The following ADAM7 variants were observed in gnomAD, a reference collection of about 807,000 sequenced individuals.
ADAM7 encodes ADAM metallopeptidase domain 7.
In ADAM7, 97 loss-of-function variants were observed where a neutral mutation model predicts 102.9. That is an observed-to-expected ratio of 0.94 (90% confidence interval 0.80 to 1.12). The LOEUF is 1.12. ADAM7 is among the 50% of genes most tolerant of loss of function. The probability of loss-of-function intolerance (pLI) is 0.00; values close to 1 mark genes in which losing one functional copy is unlikely to be tolerated. For synonymous variants in ADAM7, 334 were observed against 304.4 expected, an observed-to-expected ratio of 1.10 and a Z score of -1.01; for missense variants, 991 against 908.7, an observed-to-expected ratio of 1.09 and a Z score of -1.16.
At chr8:24,449,856 C>G (rs1448760107) in intron 3 of ADAM7, among the ~76,000 whole-genome samples, 1 of 152,154 alleles carries the variant, frequency 6.6e-6, no homozygotes, top group Non-Finnish European at 1.5e-5. Context: ...CCAGTTTCAG[C>G]TTTCTACATA....
chr8:24,493,997 G>A (rs1221076833), intron 16 of ADAM7, among the ~76,000 whole-genome samples: 2 of 152,086 alleles, frequency 1.3e-5, no homozygotes, highest in Non-Finnish European at 2.9e-5. Context: ...ACATTAGAAT[G>A]CATACTCTAA....
chr8:24,472,124 A>C (rs1335998435), intron 7 of ADAM7, among the ~76,000 whole-genome samples: 1 of 117,516 alleles, frequency 8.5e-6, no homozygotes, highest in Non-Finnish European at 1.9e-5. Flanking sequence ...AAAGATAACA[A>C]AAAAAAAAAA....
At chr8:24,459,148 G>T (rs1232828508) in intron 3 of ADAM7, among the ~76,000 whole-genome samples, 1 of 151,896 alleles carries the variant, frequency 6.6e-6, no homozygotes, top group Non-Finnish European at 1.5e-5. Flanking sequence ...GCATATTTGT[G>T]TGTATGTGTA....
rs561278538 is a variant in ADAM7, at chr8:24,485,265, T to A, written c.876-12T>A. On this transcript the variant is annotated splice_polypyrimidine_tract_variant and intron_variant, in intron 9 of 21. Transcript: ENST00000175238. Reference sequence around the variant, plus strand: ...ACTCAGATTGAAGACTATTTTTGCATCTTTTTCATAGTGGGAAGTGGCTCT... The same window carrying A: ...ACTCAGATTGAAGACTATTTTTGCAACTTTTTCATAGTGGGAAGTGGCTCT... 3 of 1,611,520 alleles carry A rather than the reference T, an allele frequency of 1.9e-6. No individual in the cohort carries two copies. The highest frequency in any genetic ancestry group is 1.7e-6 in the Non-Finnish European group (2 of 1,178,472).
At chr8:24,460,216 A>G (rs1819191119) in intron 3 of ADAM7, among the ~76,000 whole-genome samples, 1 of 152,038 alleles carries the variant, frequency 6.6e-6, no homozygotes, top group African/African-American at 2.4e-5. Flanking sequence ...TCCTTTCAAC[A>G]TATCTGTGTC....
chr8:24,479,788 A>T (rs184623054), intron 8 of ADAM7, among the ~76,000 whole-genome samples: 1 of 152,330 alleles, frequency 6.6e-6, no homozygotes, highest in Admixed American at 6.5e-5. Context: ...ATTATCTGCC[A>T]CAAGGAAGGT....
At position 24,493,039 on chromosome 8, in the gene ADAM7, TC is replaced by T. The variant is rs758574934; in HGVS notation, c.1656-3del. On this transcript the variant is annotated splice_region_variant and splice_polypyrimidine_tract_variant and intron_variant, in intron 15 of 21. Transcript: ENST00000175238. ...CAAGTTTGAATATTCTGCCTTTCCT[TC>T]AGAGATGTCAGATGTGGAAAGATCT... The T allele has an allele frequency of 4.5e-6, 7 of 1,568,626 alleles. No homozygotes were observed. The East Asian group carries it at 1.6e-4, about 36-fold the overall frequency.
intron 4 of ADAM7, among the ~76,000 whole-genome samples, chr8:24,464,464 T>C (rs1201934833): frequency 1.3e-5 from 2 of 152,202 alleles, no homozygotes; most frequent in African/African-American, 2.4e-5. Flanking sequence ...TTTAATAAAA[T>C]CTAGATACAG....
rs749903492 is a variant in ADAM7 at position 24,465,685 on chromosome 8, T to C, written c.313-14T>C. ...TATTTATACATATAGTAATAGAGTC[T>C]TCTTCTATTTTAGGATCATTGTTTT... is the stretch of plus-strand genomic sequence containing the variant. On this transcript the variant is annotated splice_polypyrimidine_tract_variant and intron_variant, in intron 4 of 21. Transcript: ENST00000175238. The C allele has an allele frequency of 7.8e-6, 12 of 1,541,380 alleles. No individual in the cohort carries two copies. The Admixed American group carries it at 2.2e-4, about 29-fold the overall frequency.
At chr8:24,476,339 T>C (rs1176053757) in intron 7 of ADAM7, 94 bp from the exon 8 acceptor site, 2 of 915,488 alleles carry the variant, frequency 2.2e-6, no homozygotes, top group Non-Finnish European at 3.2e-6. Context: ...CCAATGATTT[T>C]TTTCTTTGTA....
chr8:24,502,287 A>G (rs1024962002), intron 20 of ADAM7, among the ~76,000 whole-genome samples: 4 of 152,102 alleles, frequency 2.6e-5, no homozygotes, highest in African/African-American at 9.7e-5. Flanking sequence ...AGGAAAATGT[A>G]TAGCGCTTAT....
intron 16 of ADAM7, 109 bp from the exon 17 acceptor site, chr8:24,499,127 C>CA: frequency 1.3e-6 from 1 of 764,114 alleles, no homozygotes. Context: ...TGAAATTTTT[C>CA]ATATGTAAAT....
At chr8:24,455,527 G>C (rs1024926018) in intron 3 of ADAM7, among the ~76,000 whole-genome samples, 2 of 152,140 alleles carry the variant, frequency 1.3e-5, no homozygotes, top group Non-Finnish European at 2.9e-5. Flanking sequence ...TCCCACCTCA[G>C]CCTCTCAACT....
intron 6 of ADAM7, among the ~76,000 whole-genome samples, chr8:24,467,835 C>A (rs1040626359): frequency 1.3e-5 from 2 of 152,022 alleles, no homozygotes; most frequent in East Asian, 1.9e-4. Flanking sequence ...GAGGCTGAGG[C>A]GGGCCGATCA....
intron 1 of ADAM7, among the ~76,000 whole-genome samples, chr8:24,442,096 C>T (rs1818392657): frequency 6.6e-6 from 1 of 152,182 alleles, no homozygotes; most frequent in Non-Finnish European, 1.5e-5. Flanking sequence ...ATCGCTTGAA[C>T]CGGGGAGGCG....
chr8:24,480,110 T>G (rs999953174), intron 8 of ADAM7, among the ~76,000 whole-genome samples: 2 of 152,156 alleles, frequency 1.3e-5, no homozygotes, highest in African/African-American at 4.8e-5. Flanking sequence ...TCACTTCTGT[T>G]TTCTGCCTTG....
At position 24,466,965 on chromosome 8, in the gene ADAM7, T is replaced by A. The variant is rs774807746; in HGVS notation, c.556T>A (p.Ser186Thr). 5.6e-6 allele frequency: 9 copies of A among 1,613,950 alleles called. No homozygotes were observed. In the South Asian group the frequency reaches 6.6e-5, roughly 12 times the overall value. ...TRKTVPGDNE[S>T]EEDSKIKGIH... ...AAAAACTGTTCCAGGGGATAATGAA[T>A]CTGAAGAAGACTCCAAAATAAAAGT... Residue 186 changes from serine (S) to threonine (T), a missense_variant, in exon 6 of 22, where the codon TCT (serine) becomes ACT (threonine). Physicochemically the swap from Ser to Thr is moderately conservative, Grantham distance 58. Coordinates refer to ENST00000175238, the MANE Select transcript of ADAM7 (RefSeq NM_003817.4).
At position 24,475,957 on chromosome 8, in the gene ADAM7, C is replaced by T. The variant is rs564592951; in HGVS notation, c.634-476C>T. On this transcript the variant is annotated intron_variant, in intron 7 of 21. Coordinates refer to ENST00000175238, the MANE Select transcript of ADAM7 (RefSeq NM_003817.4). Reference sequence around the variant, plus strand: ...GGAAGGGGTAGCTACAGTTTCCTGTCCCTCTTCAGCACTTCTCCAGCTCCA... The same window carrying T: ...GGAAGGGGTAGCTACAGTTTCCTGTTCCTCTTCAGCACTTCTCCAGCTCCA... The T allele has an allele frequency of 1.4e-4, 66 of 456,350 alleles. 1 individual carries two copies. The highest frequency in any genetic ancestry group is 9.6e-4 in the South Asian group (62 of 64,482). The allele number at this position is 456,350 out of a possible 1,614,324, so 28.3% of individuals were successfully genotyped here. A position where few individuals can be genotyped will look rare whatever the true frequency, so the allele number is the denominator to read the frequency against.
chr8:24,465,455 A>C (rs1293423644), intron 4 of ADAM7, among the ~76,000 whole-genome samples: 1 of 152,218 alleles, frequency 6.6e-6, no homozygotes, highest in Non-Finnish European at 1.5e-5. Context: ...AGACTATTAA[A>C]TTTGTAGAGG....
Sources: gnomAD v4.1 joint callset for allele counts (sites outside exome capture counted in the v4.1 genomes callset) on GRCh38, gnomAD v4.1.1 for gene constraint, MANE v1.5 for transcripts, NCBI Gene and HGNC (gene_info 2026-07-23, HGNC 2026-07-21) for gene names.